SGCD: variants seen among roughly 807,000 people sequenced by gnomAD.
SGCD encodes sarcoglycan delta.
Under a neutral mutation model 36.6 loss-of-function variants are expected in SGCD, and 18 were observed. The ratio of observed to expected loss-of-function variants is 0.49; its 90% CI spans 0.34 to 0.73. The LOEUF is 0.73. SGCD is among the 30% of genes least tolerant of loss of function. SGCD has a pLI of 0.01. For synonymous variants in SGCD, 133 were observed against 130.6 expected (o/e 1.02, Z -0.12); for missense variants, 387 against 346.7 (o/e 1.12, Z -0.92).
At chr5:156,172,183 C>T (rs1026155495) in intron 3 of SGCD, among the ~76,000 whole-genome samples, 34 of 152,194 alleles carry the variant, frequency 2.2e-4, no homozygotes, top group African/African-American at 8.0e-4. Context: ...ACTCCGGAGG[C>T]TGAGGCAGGA....
intron 3 of SGCD, among the ~76,000 whole-genome samples, chr5:156,496,500 G>C (rs1354914214): frequency 1.3e-5 from 2 of 152,088 alleles, no homozygotes. Flanking sequence ...GTGTAATTGT[G>C]ATTCTTTTTG....
At chr5:156,287,012 C>G (rs967827407) in intron 3 of SGCD, among the ~76,000 whole-genome samples, 2 of 151,978 alleles carry the variant, frequency 1.3e-5, no homozygotes, top group Admixed American at 1.3e-4. Context: ...AGACAAAAAC[C>G]CATGCTTTCA....
intron 1 of SGCD, among the ~76,000 whole-genome samples, chr5:155,937,562 C>T (rs535281789): frequency 2.6e-5 from 4 of 152,278 alleles, no homozygotes; most frequent in South Asian, 2.1e-4. Flanking sequence ...GAAAGATCTT[C>T]GGGGAGTCCA....
intron 7 of SGCD, among the ~76,000 whole-genome samples, chr5:156,690,916 G>A (rs893553305): frequency 6.6e-6 from 1 of 152,076 alleles, no homozygotes; most frequent in Non-Finnish European, 1.5e-5. Context: ...AAGTCAAAAT[G>A]AGATCCAGAG....
At chr5:155,742,965 C>A in the SGCD span, among the ~76,000 whole-genome samples, 1 of 152,254 alleles carries the variant, frequency 6.6e-6, no homozygotes, top group East Asian at 1.9e-4. Flanking sequence ...AGATGAGCAG[C>A]CAGATGTAAG....
intron 7 of SGCD, among the ~76,000 whole-genome samples, chr5:156,667,961 A>C (rs749702449): frequency 6.6e-6 from 1 of 152,210 alleles, no homozygotes; most frequent in Non-Finnish European, 1.5e-5. Context: ...AACAACATGC[A>C]CATAGGAAAG....
intron 6 of SGCD, among the ~76,000 whole-genome samples, chr5:156,597,306 A>G (rs998280873): frequency 6.6e-6 from 1 of 152,142 alleles, no homozygotes; most frequent in Non-Finnish European, 1.5e-5. Context: ...CCCTGCTAAT[A>G]AAGACATACC....
intron 7 of SGCD, among the ~76,000 whole-genome samples, chr5:156,676,443 G>A (rs897636028): frequency 2.6e-5 from 4 of 152,204 alleles, no homozygotes; most frequent in African/African-American, 9.7e-5. Context: ...AAGGGCTGGT[G>A]TCACTTGAAC....
In SGCD at chr5:156,007,352, G is replaced by A. The variant is rs533418671; in HGVS notation, c.-281-110526G>A. ...AGGTAAGATCTCTGTCTCCTTTCTC[G>A]GAAGGCAGTTTGAGTTTAATCTTCA... On this transcript the variant is annotated intron_variant, in intron 1 of 9. Coordinates refer to the SGCD transcript ENST00000517913. 3.3e-5 allele frequency among the ~76,000 whole-genome samples: 5 copies of A among 152,208 alleles called. No individual in the cohort carries two copies. In the South Asian group the frequency reaches 8.3e-4, roughly 25 times the overall value.
chr5:156,161,845 T>C (rs1763093814), intron 3 of SGCD, among the ~76,000 whole-genome samples: 1 of 151,726 alleles, frequency 6.6e-6, no homozygotes, highest in Non-Finnish European at 1.5e-5. Context: ...AACTGTTTTA[T>C]TCCAAAGTCA....
intron 1 of SGCD, among the ~76,000 whole-genome samples, chr5:155,939,957 C>T (rs1453385315): frequency 1.3e-5 from 2 of 151,774 alleles, no homozygotes; most frequent in Non-Finnish European, 2.9e-5. Flanking sequence ...CCTCAGCCTC[C>T]TAAGTAGCTG....
intron 1 of SGCD, among the ~76,000 whole-genome samples, chr5:156,023,990 C>T (rs1381814546): frequency 2.0e-5 from 3 of 152,174 alleles, no homozygotes; most frequent in Non-Finnish European, 4.4e-5. Context: ...TAGGACAGGT[C>T]ACCAGATGGC....
At chr5:156,617,020 A>G (rs1342953760) in intron 6 of SGCD, among the ~76,000 whole-genome samples, 1 of 152,198 alleles carries the variant, frequency 6.6e-6, no homozygotes, top group Non-Finnish European at 1.5e-5. Context: ...ATTCTGCTGT[A>G]TTCTTCTTCA....
rs1757457684 is a variant in SGCD at position 156,759,442 on chromosome 5, T to TAGAC, written c.*54_*57dup. ...GCAGCATAAAGGCCTTTTTTGGCTT[T>TAGAC]AGACACTGGCTGCCAGCTATTTTTA... On this transcript the variant is annotated 3_prime_UTR_variant, in exon 9 of 9. Transcript: ENST00000337851. 2.3e-6 allele frequency: 3 copies of TAGAC among 1,330,548 alleles called. No individual in the cohort carries two copies. The highest frequency in any genetic ancestry group is 3.1e-6 in the Non-Finnish European group (3 of 964,180). 82.4% of individuals were successfully genotyped at this position (1,330,548 alleles called of 1,614,324 possible).
At chr5:155,982,471 C>G (rs985940105) in intron 1 of SGCD, among the ~76,000 whole-genome samples, 3 of 152,162 alleles carry the variant, frequency 2.0e-5, no homozygotes, top group Non-Finnish European at 2.9e-5. Context: ...CTTTTCCAAT[C>G]TCAGTATACT....
intron 4 of SGCD, among the ~76,000 whole-genome samples, chr5:156,521,043 A>G (rs919209516): frequency 7.2e-6 from 1 of 138,258 alleles, no homozygotes; most frequent in Non-Finnish European, 1.6e-5. Flanking sequence ...AAAAAAAAAG[A>G]CCACACATCT....
At position 156,344,703 on chromosome 5, in the gene SGCD, T is replaced by C. The variant is rs561297171; in HGVS notation, c.192+26T>C. The C allele has an allele frequency of 2.6e-6, 4 of 1,563,680 alleles. No individual in the cohort carries two copies. The South Asian group carries it at 3.5e-5, about 14-fold the overall frequency. On this transcript the variant is annotated intron_variant, in intron 3 of 8. Coordinates refer to ENST00000337851, the MANE Select transcript of SGCD (RefSeq NM_000337.6). Reference sequence around the variant, plus strand: ...GTAAGTAAAACCATCTAGGTTTGTTTAGCTTTCTTCCGGGAGGGGAAGCGT... The same window carrying C: ...GTAAGTAAAACCATCTAGGTTTGTTCAGCTTTCTTCCGGGAGGGGAAGCGT...
At chr5:156,621,484 T>A (rs886799053) in intron 6 of SGCD, among the ~76,000 whole-genome samples, 1 of 151,600 alleles carries the variant, frequency 6.6e-6, no homozygotes, top group Non-Finnish European at 1.5e-5. Context: ...AGCTACCATG[T>A]CCAGCCAAAA....
chr5:156,234,370 T>A (rs1765101774), intron 3 of SGCD, among the ~76,000 whole-genome samples: 1 of 152,210 alleles, frequency 6.6e-6, no homozygotes, highest in South Asian at 2.1e-4. Context: ...TTATACATAT[T>A]TAAAAATATA....
Sources: allele counts gnomAD v4.1 joint callset (sites outside exome capture counted in the v4.1 genomes callset), GRCh38; gene constraint gnomAD v4.1.1; transcripts MANE v1.5; gene names NCBI Gene and HGNC (gene_info 2026-07-23, HGNC 2026-07-21).